The following ENOX2 variants were observed in gnomAD, a reference collection of about 807,000 sequenced individuals.
ENOX2 encodes ecto-NOX disulfide-thiol exchanger 2, also known as APK1 antigen.
In ENOX2, 36 loss-of-function variants were observed where a neutral mutation model predicts 45.0. The ratio of observed to expected loss-of-function variants is 0.80; its 90% CI spans 0.61 to 1.06. ENOX2 has a LOEUF of 1.06. ENOX2 is among the 50% of genes least tolerant of loss of function. The pLI is 0.00. For missense variants in ENOX2, 423 were observed against 462.5 expected, an observed-to-expected ratio of 0.91 and a Z score of 0.78; for synonymous variants, 174 against 152.3, an observed-to-expected ratio of 1.14 and a Z score of -1.05.
intron 2 of ENOX2, among the ~76,000 whole-genome samples, chrX:130,788,430 T>C (rs1025431546): frequency 1.8e-5 from 2 of 111,788 alleles, no homozygotes; most frequent in Non-Finnish European, 3.8e-5. Context: ...ATAGAATTCC[T>C]GACAGGCCTA....
At chrX:130,727,488 G>A (rs1387354972) in intron 3 of ENOX2, among the ~76,000 whole-genome samples, 1 of 112,492 alleles carries the variant, frequency 8.9e-6, no homozygotes, top group Non-Finnish European at 1.9e-5. Context: ...CATACAGGCA[G>A]TAAGTGGTAG....
At position 130,872,738 on chromosome X, in the gene ENOX2, A is replaced by G. The variant is rs189583832; in HGVS notation, c.-183+28946T>C. Among the ~76,000 whole-genome samples, 342 of 111,875 alleles carry G rather than the reference A, an allele frequency of 3.1e-3. 1 individual carries two copies. The highest frequency in any genetic ancestry group is 0.011 in the African/African-American group (329 of 30,841). On this transcript the variant is annotated intron_variant, in intron 2 of 14. Coordinates refer to ENST00000394363, the MANE Select transcript of ENOX2 (RefSeq NM_006375.4). ...ACAGAACAGAGGCTGCAAAAATAATACCACACATCTACAACCATCTGATCT... is the reference window on the plus strand; with the variant it reads ...ACAGAACAGAGGCTGCAAAAATAATGCCACACATCTACAACCATCTGATCT...
chrX:130,777,106 A>G (rs2039873565), intron 3 of ENOX2, among the ~76,000 whole-genome samples: 1 of 111,819 alleles, frequency 8.9e-6, no homozygotes, highest in South Asian at 3.8e-4. Context: ...TGAAATGATT[A>G]TATGGGTCTG....
chrX:130,838,395 A>G (rs2077963277), intron 2 of ENOX2, among the ~76,000 whole-genome samples: 1 of 111,818 alleles, frequency 8.9e-6, no homozygotes, highest in African/African-American at 3.3e-5. Context: ...AAAACAAACA[A>G]AAAAGAAACC....
intron 7 of ENOX2, 125 bp downstream of exon 7, chrX:130,669,840 C>T: frequency 5.7e-6 from 3 of 530,075 alleles, no homozygotes; most frequent in Non-Finnish European, 9.4e-6. Flanking sequence ...GGCTCCAACA[C>T]AAGAAATGCT....
chrX:130,832,517 CAG>C (rs750048305), intron 2 of ENOX2, among the ~76,000 whole-genome samples: 133 of 108,061 alleles, frequency 1.2e-3, no homozygotes, highest in African/African-American at 4.3e-3. Flanking sequence ...AAAAATAAAA[CAG>C]AAAAAAATCT....
chrX:130,767,464 T>C (rs2039643858), intron 3 of ENOX2, among the ~76,000 whole-genome samples: 1 of 111,519 alleles, frequency 9.0e-6, no homozygotes, highest in South Asian at 3.8e-4. Flanking sequence ...AAAAATCCTA[T>C]GAAAGTAGGA....
intron 2 of ENOX2, among the ~76,000 whole-genome samples, chrX:130,827,174 T>G (rs929811319): frequency 5.4e-5 from 6 of 112,054 alleles, no homozygotes; most frequent in African/African-American, 1.9e-4. Flanking sequence ...TTCAGTGTAT[T>G]CAGGGACAAA....
chrX:130,861,200 T>G (rs1476659221), intron 2 of ENOX2, among the ~76,000 whole-genome samples: 2 of 111,600 alleles, frequency 1.8e-5, no homozygotes, highest in African/African-American at 6.5e-5. Context: ...AATACGGAGG[T>G]TTCTTAAAAA....
chrX:130,841,180 G>A (rs1168579381), intron 2 of ENOX2, among the ~76,000 whole-genome samples: 5 of 111,382 alleles, frequency 4.5e-5, no homozygotes, highest in Non-Finnish European at 9.4e-5. Context: ...TTGCAGGGTG[G>A]GAGTTACTGT....
intron 3 of ENOX2, among the ~76,000 whole-genome samples, chrX:130,763,182 TTC>T (rs1416373247): frequency 1.8e-5 from 2 of 111,665 alleles, no homozygotes; most frequent in African/African-American, 6.5e-5. Flanking sequence ...GCTTATTGTG[TTC>T]TTTCTTCCTT....
intron 2 of ENOX2, among the ~76,000 whole-genome samples, chrX:130,843,275 GTAACC>G (rs1369403953): frequency 1.8e-5 from 2 of 110,947 alleles, no homozygotes; most frequent in African/African-American, 6.6e-5. Context: ...TCCATATCCA[GTAACC>G]GAGCCCTACG....
chrX:130,733,716 T>C (rs186271312), intron 3 of ENOX2, among the ~76,000 whole-genome samples: 130 of 112,449 alleles, frequency 1.2e-3, no homozygotes, highest in African/African-American at 4.0e-3. Flanking sequence ...TATGATTCCA[T>C]TTATATAACA....
At chrX:130,799,419 A>G (rs1434673057) in intron 2 of ENOX2, among the ~76,000 whole-genome samples, 7 of 111,717 alleles carry the variant, frequency 6.3e-5, no homozygotes, top group African/African-American at 2.3e-4. Context: ...CAGCTTGCAG[A>G]CGGCCCATTG....
intron 3 of ENOX2, among the ~76,000 whole-genome samples, chrX:130,747,169 A>G (rs2039115568): frequency 9.0e-6 from 1 of 111,034 alleles, no homozygotes; most frequent in African/African-American, 3.3e-5. Flanking sequence ...ATATTTGTGA[A>G]TCATGGTTTA....
chrX:130,738,878 T>C, intron 3 of ENOX2, among the ~76,000 whole-genome samples: 1 of 112,001 alleles, frequency 8.9e-6, no homozygotes, highest in East Asian at 2.8e-4. Context: ...CAAAGAGAGC[T>C]GCTCTATTAC....
At chrX:130,841,765 T>G (rs1368718530) in intron 2 of ENOX2, among the ~76,000 whole-genome samples, 1 of 112,130 alleles carries the variant, frequency 8.9e-6, no homozygotes, top group African/African-American at 3.2e-5. Flanking sequence ...GAGACAGCAT[T>G]TACTGTCTTT....
rs746511528 is a variant in ENOX2, at chrX:130,748,833, T to C, written c.-39+34714A>G. On this transcript the variant is annotated intron_variant, in intron 3 of 14. Transcript: ENST00000394363. ...GTACTGAACTTCCTATTCACCTCTC[T>C]ATGATGGTGGAATGACCTCTATGAA... Among the ~76,000 whole-genome samples the C allele has an allele frequency of 1.1e-4, 12 of 111,839 alleles. No homozygotes were observed. The South Asian group carries it at 1.5e-3, about 14-fold the overall frequency.
chrX:130,860,097 A>G (rs1412628440), intron 2 of ENOX2, among the ~76,000 whole-genome samples: 1 of 110,820 alleles, frequency 9.0e-6, no homozygotes, highest in Non-Finnish European at 1.9e-5. Context: ...CTGGGATTAC[A>G]GGGGCAAGCC....
Sources: allele counts gnomAD v4.1 joint callset (sites outside exome capture counted in the v4.1 genomes callset), GRCh38; gene constraint gnomAD v4.1.1; transcripts MANE v1.5; gene names NCBI Gene and HGNC (gene_info 2026-07-23, HGNC 2026-07-21).